Variants in FAF2 observed in about 807,000 individuals in gnomAD.
FAF2 encodes Fas associated factor family member 2, also known as FAS-associated factor 2.
FAF2 carries 9 observed loss-of-function variants against 62.3 expected under a neutral mutation model. The ratio of observed to expected loss-of-function variants is 0.14; its 90% CI spans 0.09 to 0.25. FAF2 has a LOEUF of 0.25. Ranked by LOEUF, FAF2 falls within the 10% of genes least tolerant of loss-of-function variation. The pLI is 1.00. For synonymous variants in FAF2, 202 were observed against 198.0 expected, an observed-to-expected ratio of 1.02 and a Z score of -0.17; for missense variants, 368 against 556.2, an observed-to-expected ratio of 0.66 and a Z score of 3.40.
rs1393788865 is a variant in FAF2 at position 176,451,851 on chromosome 5, TATATACAC to T, written c.63+3387_63+3394del. On this transcript the variant is annotated intron_variant, in intron 1 of 10. Coordinates refer to ENST00000261942, the MANE Select transcript of FAF2 (RefSeq NM_014613.3). ...ATACATATATATATATACACACATA[TATATACAC>T]ATATATATATACACACATATATATA... 9.0e-4 allele frequency among the ~76,000 whole-genome samples: 42 copies of T among 46,494 alleles called. 4 individuals carry two copies. The highest frequency in any genetic ancestry group is 3.5e-3 in the African/African-American group (35 of 10,142). 30.5% of individuals were successfully genotyped at this position (46,494 alleles called of 152,430 possible).
chr5:176,499,304 T>A (rs1755552073), intron 9 of FAF2, among the ~76,000 whole-genome samples: 2 of 152,142 alleles, frequency 1.3e-5, no homozygotes, highest in South Asian at 4.1e-4. Flanking sequence ...AATAAAAATT[T>A]AAAAAAAGAG....
intron 1 of FAF2, among the ~76,000 whole-genome samples, chr5:176,463,260 G>T (rs1249935933): frequency 6.6e-6 from 1 of 151,956 alleles, no homozygotes; most frequent in African/African-American, 2.4e-5. Context: ...AGCCAGGCAT[G>T]GTGGCAGACT....
chr5:176,460,535 TGTGTGTGTGTGTGTGTGTA>T, intron 1 of FAF2, among the ~76,000 whole-genome samples: 1 of 151,620 alleles, frequency 6.6e-6, no homozygotes, highest in African/African-American at 2.4e-5. Flanking sequence ...TGTGTGTGTG[TGTGTGTGTGTGTGTGTGTA>T]TTTTTTTTTT....
chr5:176,492,693 A>G (rs926087995), intron 5 of FAF2, among the ~76,000 whole-genome samples: 3 of 152,200 alleles, frequency 2.0e-5, no homozygotes, highest in African/African-American at 7.2e-5. Context: ...CAGTCCTTCA[A>G]CTAGATTATG....
chr5:176,467,950 A>G (rs1046464402), intron 1 of FAF2, among the ~76,000 whole-genome samples: 9 of 151,860 alleles, frequency 5.9e-5, no homozygotes, highest in African/African-American at 2.2e-4. Context: ...AGATCACCTG[A>G]GGTCAGGAGT....
chr5:176,491,456 A>C (rs1758969242), intron 4 of FAF2, among the ~76,000 whole-genome samples: 1 of 152,158 alleles, frequency 6.6e-6, no homozygotes, highest in Admixed American at 6.5e-5. Flanking sequence ...ATAAATCATC[A>C]AGCAAAAGGT....
At chr5:176,485,891 A>G (rs1758867209) in intron 2 of FAF2, among the ~76,000 whole-genome samples, 1 of 152,132 alleles carries the variant, frequency 6.6e-6, no homozygotes, top group South Asian at 2.1e-4. Context: ...ACATTGAGCA[A>G]CTTTTCAGAG....
At chr5:176,492,462 G>A in intron 5 of FAF2, 130 bp downstream of exon 5, 3 of 1,023,242 alleles carry the variant, frequency 2.9e-6, no homozygotes, top group South Asian at 2.0e-5. Context: ...TGCTTATAGG[G>A]GTGGGTAATA....
At position 176,448,483 on chromosome 5, in the gene FAF2, A is replaced by G. The variant is rs1474075545; in HGVS notation, c.63+13A>G. On this transcript the variant is annotated intron_variant, in intron 1 of 10. Coordinates refer to ENST00000261942, the MANE Select transcript of FAF2 (RefSeq NM_014613.3). ...GCTGCAGTTTCAGGTAGCAGCGAGT[A>G]CTCGGTGCAGCAGATGCCTCCGTGG... 1.3e-6 allele frequency: 2 copies of G among 1,588,190 alleles called. No individual in the cohort carries two copies. The highest frequency in any genetic ancestry group is 1.7e-6 in the Non-Finnish European group (2 of 1,167,512).
At chr5:176,470,816 A>T (rs1758555519) in intron 1 of FAF2, among the ~76,000 whole-genome samples, 1 of 152,234 alleles carries the variant, frequency 6.6e-6, no homozygotes, top group South Asian at 2.1e-4. Flanking sequence ...TAGTTCTCAC[A>T]CAATGCATTT....
intron 1 of FAF2, among the ~76,000 whole-genome samples, chr5:176,452,429 C>T (rs911269022): frequency 3.3e-5 from 5 of 152,106 alleles, no homozygotes; most frequent in African/African-American, 1.2e-4. Flanking sequence ...ATGTTTAATC[C>T]TTACAGCAGT....
At position 176,451,845 on chromosome 5, in the gene FAF2, C is replaced by CAT. The variant is rs1347386022; in HGVS notation, c.63+3376_63+3377insTA. ...ATATATATACATATATATATATACA[C>CAT]ACATATATATACACATATATATATA... On this transcript the variant is annotated intron_variant, in intron 1 of 10. Transcript: ENST00000261942. Among the ~76,000 whole-genome samples, 22 of 38,884 alleles carry CAT rather than the reference C, an allele frequency of 5.7e-4. 2 individuals carry two copies. The highest frequency in any genetic ancestry group is 3.0e-3 in the African/African-American group (21 of 6,890). The allele number at this position is 38,884 out of a possible 152,430, so 25.5% of individuals were successfully genotyped here.
chr5:176,495,102 A>T (rs1759038917), intron 7 of FAF2, among the ~76,000 whole-genome samples: 1 of 152,232 alleles, frequency 6.6e-6, no homozygotes, highest in African/African-American at 2.4e-5. Context: ...ATCTTTGCTG[A>T]CAATAACTCT....
rs185841979 is a variant in FAF2 at position 176,507,157 on chromosome 5, G to C, written c.*207G>C. 1,125 of 356,436 alleles carry C rather than the reference G, an allele frequency of 3.2e-3. 7 individuals carry two copies. The highest frequency in any genetic ancestry group is 5.0e-3 in the Non-Finnish European group (967 of 194,800). The allele number at this position is 356,436 out of a possible 1,614,324, so 22.1% of individuals were successfully genotyped here. A position where few individuals can be genotyped will look rare whatever the true frequency, so the allele number is the denominator to read the frequency against. On this transcript the variant is annotated 3_prime_UTR_variant, in exon 11 of 11. Coordinates refer to ENST00000261942, the MANE Select transcript of FAF2 (RefSeq NM_014613.3). ...CGTAAGAGTCACAACCTGTGTGTGC[G>C]CGCAAGGTTAGCAACAAACGTACCC...
At chr5:176,453,384 C>G (rs1310412783) in intron 1 of FAF2, 1 of 152,154 alleles carries the variant, frequency 6.6e-6, no homozygotes, top group Non-Finnish European at 1.5e-5. Context: ...AGGAGTTATG[C>G]AGGCCAGCAG....
chr5:176,476,195 G>T (rs984520545), intron 1 of FAF2, among the ~76,000 whole-genome samples: 1 of 152,052 alleles, frequency 6.6e-6, no homozygotes, highest in Non-Finnish European at 1.5e-5. Flanking sequence ...GGAGACAGAG[G>T]TTGCAAGTGA....
intron 1 of FAF2, among the ~76,000 whole-genome samples, chr5:176,457,328 A>T (rs1436367828): frequency 1.3e-5 from 2 of 151,946 alleles, no homozygotes; most frequent in Non-Finnish European, 2.9e-5. Flanking sequence ...TGCTGGGATT[A>T]TAGGCGCCCA....
intron 1 of FAF2, among the ~76,000 whole-genome samples, chr5:176,469,273 AAG>A (rs1758519715): frequency 6.6e-6 from 1 of 152,110 alleles, no homozygotes; most frequent in South Asian, 2.1e-4. Context: ...ATTGTAGAAA[AAG>A]AATTATAATT....
rs1758177941 is a variant in FAF2, at chr5:176,451,811, C to CAAATATATAT, written c.63+3342_63+3343insAATATATATA. On this transcript the variant is annotated intron_variant, in intron 1 of 10. Transcript: ENST00000261942. Reference sequence around the variant, plus strand: ...GTATATATATATACATATATATATACACACATATATATATATACATATATA... The same window carrying CAAATATATAT: ...GTATATATATATACATATATATATACAAATATATATACACATATATATATATACATATATA... 1.0e-4 allele frequency among the ~76,000 whole-genome samples: 2 copies of CAAATATATAT among 20,018 alleles called. 1 individual carries two copies. The highest frequency in any genetic ancestry group is 1.8e-4 in the Non-Finnish European group (2 of 11,062). 13.1% of individuals were successfully genotyped at this position (20,018 alleles called of 152,430 possible).
Sources: allele counts gnomAD v4.1 joint callset (sites outside exome capture counted in the v4.1 genomes callset), GRCh38; gene constraint gnomAD v4.1.1; transcripts MANE v1.5; gene names NCBI Gene and HGNC (gene_info 2026-07-23, HGNC 2026-07-21).